ZNF169: variants seen among roughly 807,000 people sequenced by gnomAD.
ZNF169 encodes the protein zinc finger protein 169.
In ZNF169, 11 loss-of-function variants were observed where a neutral mutation model predicts 12.0. That is an observed-to-expected ratio of 0.92 (90% confidence interval 0.58 to 1.52). The LOEUF (loss-of-function observed/expected upper bound fraction) is 1.52, where lower values mean the gene tolerates loss of function less well. Among genes scored for constraint, ZNF169 ranks in the 40% most tolerant of loss-of-function variants. The pLI, the probability that ZNF169 is intolerant of heterozygous loss-of-function variation, is 0.00. For synonymous variants in ZNF169, 302 were observed against 286.5 expected (o/e 1.05, Z -0.55); for missense variants, 722 against 744.0 (o/e 0.97, Z 0.34).
chr9:94,290,235 G>T (rs936231267), intron 2 of ZNF169, among the ~76,000 whole-genome samples: 1 of 152,146 alleles, frequency 6.6e-6, no homozygotes, highest in African/African-American at 2.4e-5. Flanking sequence ...AAAATCTGCA[G>T]CTAACATTCT....
intron 1 of ZNF169, among the ~76,000 whole-genome samples, chr9:94,264,893 T>C (rs961029157): frequency 1.3e-5 from 2 of 152,164 alleles, no homozygotes; most frequent in Non-Finnish European, 2.9e-5. Flanking sequence ...CTTTTGTTTA[T>C]CCATTCTCCT....
intron 4 of ZNF169, among the ~76,000 whole-genome samples, chr9:94,296,446 T>C (rs1830952977): frequency 6.6e-6 from 1 of 152,194 alleles, no homozygotes; most frequent in Non-Finnish European, 1.5e-5. Context: ...TAAAGTAAGG[T>C]CAAAAAGATT....
At chr9:94,275,730 A>C (rs1830505805) in intron 1 of ZNF169, among the ~76,000 whole-genome samples, 1 of 151,522 alleles carries the variant, frequency 6.6e-6, no homozygotes, top group Non-Finnish European at 1.5e-5. Context: ...CTTAGGGGGA[A>C]AGCATCTAGT....
intron 2 of ZNF169, chr9:94,288,178 G>A (rs1830754152): frequency 1.2e-6 from 1 of 814,638 alleles, no homozygotes; most frequent in South Asian, 1.4e-5. Flanking sequence ...TCTCAGCCCA[G>A]GTTAATGTGC....
intron 1 of ZNF169, among the ~76,000 whole-genome samples, chr9:94,265,021 G>GTTTTTTTTTTTTTTTTTTTTTTTTTT (rs55756013): frequency 2.2e-5 from 2 of 90,684 alleles, no homozygotes; most frequent in Non-Finnish European, 4.0e-5. Flanking sequence ...TCTGTACCCT[G>GTTTTTTTTTTTTTTTTTTTTTTTTTT]TTTTTTTTTT....
intron 1 of ZNF169, among the ~76,000 whole-genome samples, chr9:94,261,226 T>G (rs12340918): frequency 0.1 from 15,948 of 151,998 alleles, 2,558 homozygotes; most frequent in African/African-American, 0.35. Context: ...GTTTTTACCA[T>G]GTTGGCTAGG....
chr9:94,260,489 G>C (rs988476678), intron 1 of ZNF169, among the ~76,000 whole-genome samples: 4 of 152,124 alleles, frequency 2.6e-5, no homozygotes, highest in Non-Finnish European at 5.9e-5. Context: ...ATAGTGGGGG[G>C]GGGGACGGCT....
chr9:94,295,914 TATG>T (rs910108869), intron 4 of ZNF169: 4 of 152,358 alleles, frequency 2.6e-5, no homozygotes, highest in Non-Finnish European at 2.9e-5. Context: ...GGCTGGGTTG[TATG>T]ATGATGGATA....
chr9:94,263,041 G>A (rs1347379045), intron 1 of ZNF169, among the ~76,000 whole-genome samples: 3 of 152,120 alleles, frequency 2.0e-5, no homozygotes, highest in Admixed American at 1.3e-4. Flanking sequence ...AATGTACCAT[G>A]GGCCCTTTAA....
Position 94,300,467 on chromosome 9 carries a change from C to G in ZNF169, c.909C>G (p.Ser303=), listed in dbSNP as rs771370055. 13 of 1,613,996 alleles carry G rather than the reference C, an allele frequency of 8.1e-6. No individual in the cohort carries two copies. Among genetic ancestry groups the G allele is most frequent in the Non-Finnish European group, 1.0e-5 (12 of 1,179,984 alleles). The part of the protein sequence containing the change: ...RECGRHFRYT[S]SLTNHKRIHS... The stretch of plus-strand genomic sequence containing the variant: ...GTGGGCGACACTTCAGGTATACATC[C>G]TCTCTCACTAATCACAAGAGGATTC... Residue 303 remains serine, a synonymous_variant, in exon 5 of 5, where the codon TCC becomes TCG. Transcript: ENST00000395395.
At chr9:94,263,208 C>A (rs1383401852) in intron 1 of ZNF169, among the ~76,000 whole-genome samples, 1 of 152,054 alleles carries the variant, frequency 6.6e-6, no homozygotes, top group African/African-American at 2.4e-5. Flanking sequence ...TATGGAATTG[C>A]CAATTTCTCC....
intron 1 of ZNF169, among the ~76,000 whole-genome samples, chr9:94,269,029 A>G (rs983331973): frequency 6.6e-6 from 1 of 152,100 alleles, no homozygotes; most frequent in Non-Finnish European, 1.5e-5. Flanking sequence ...CTTGGATGTT[A>G]GCTTTTATTT....
intron 2 of ZNF169, chr9:94,287,958 A>G (rs1161955874): frequency 7.3e-6 from 6 of 825,176 alleles, no homozygotes; most frequent in African/African-American, 1.7e-5. Context: ...CTTCTTGTTC[A>G]CCTTCTAGTA....
intron 1 of ZNF169, among the ~76,000 whole-genome samples, chr9:94,266,981 T>C (rs1482113591): frequency 6.6e-6 from 1 of 151,292 alleles, no homozygotes; most frequent in Non-Finnish European, 1.5e-5. Flanking sequence ...CGATCTTGGC[T>C]CACTGCAACC....
chr9:94,260,512 C>T (rs1352652705), intron 1 of ZNF169, among the ~76,000 whole-genome samples: 1 of 151,996 alleles, frequency 6.6e-6, no homozygotes, highest in African/African-American at 2.4e-5. Flanking sequence ...GGCCGTGCGA[C>T]TCGGGTCAGT....
At chr9:94,279,887 A>C (rs1468169921) in intron 2 of ZNF169, among the ~76,000 whole-genome samples, 1 of 152,216 alleles carries the variant, frequency 6.6e-6, no homozygotes, top group Non-Finnish European at 1.5e-5. Context: ...GATTATGCTT[A>C]AAGGTCCAGA....
chr9:94,274,399 T>G (rs535726039), intron 1 of ZNF169, among the ~76,000 whole-genome samples: 18 of 152,348 alleles, frequency 1.2e-4, no homozygotes, highest in African/African-American at 3.8e-4. Context: ...CTCATATCCC[T>G]TGGAATTTCT....
rs1831051064 is a variant in ZNF169 at position 94,300,714 on chromosome 9, C to T, written c.1156C>T (p.Gln386Ter). Reference protein sequence around the residue: ...CLECGRSFRQQSLLLSHQVTH... With the variant: ...CLECGRSFRQ Reference sequence around the variant, plus strand: ...TGAGTGTGGGCGTAGCTTCAGGCAGCAGTCACTCCTCCTTAGTCACCAGGT... The same window carrying T: ...TGAGTGTGGGCGTAGCTTCAGGCAGTAGTCACTCCTCCTTAGTCACCAGGT... Residue 386 changes from glutamine (Q) to a stop codon, truncating the protein, a stop_gained, in exon 5 of 5, where the codon CAG becomes TAG. Transcript: ENST00000395395. LOFTEE classifies it low-confidence loss of function (END_TRUNC). 6 of 1,606,964 alleles carry T rather than the reference C, an allele frequency of 3.7e-6. No homozygotes were observed. The highest frequency in any genetic ancestry group is 5.1e-6 in the Non-Finnish European group (6 of 1,177,626).
intron 1 of ZNF169, among the ~76,000 whole-genome samples, chr9:94,261,559 C>T (rs1830208917): frequency 6.6e-6 from 1 of 152,240 alleles, no homozygotes; most frequent in Non-Finnish European, 1.5e-5. Context: ...CACCTGTCTT[C>T]TTTCCCCCAA....
Sources: gnomAD v4.1 joint callset for allele counts (sites outside exome capture counted in the v4.1 genomes callset) on GRCh38, gnomAD v4.1.1 for gene constraint, MANE v1.5 for transcripts, NCBI Gene and HGNC (gene_info 2026-07-23, HGNC 2026-07-21) for gene names.